SOAT1: variants seen among roughly 807,000 people sequenced by gnomAD.
The protein encoded by SOAT1 is acyl-coenzyme A:cholesterol acyltransferase 1.
A neutral mutation model predicts 69.5 loss-of-function variants in SOAT1; 55 were observed. The ratio of observed to expected loss-of-function variants is 0.79; its 90% CI spans 0.64 to 0.99. The LOEUF (loss-of-function observed/expected upper bound fraction) is 0.99. Ranked by LOEUF, SOAT1 falls within the 50% of genes least tolerant of loss-of-function variation. The pLI, the probability that SOAT1 is intolerant of heterozygous loss-of-function variation, is 0.00. For synonymous variants in SOAT1, 231 were observed against 224.7 expected, an observed-to-expected ratio of 1.03 and a Z score of -0.25; for missense variants, 580 against 669.3, an observed-to-expected ratio of 0.87 and a Z score of 1.47.
chr1:179,297,325 C>T (rs532272669), intron 1 of SOAT1, among the ~76,000 whole-genome samples: 19 of 152,200 alleles, frequency 1.2e-4, no homozygotes, highest in Admixed American at 9.8e-4. Flanking sequence ...TGTGAAATAT[C>T]CCATGTCCTG....
chr1:179,347,645 G>A lies in SOAT1; in HGVS notation c.1163G>A (p.Trp388Ter). The change falls in exon 12 of 16, where the codon TGG (tryptophan) becomes TAG (stop). Residue 388 changes from tryptophan to a stop codon, truncating the protein, a stop_gained. Transcript: ENST00000367619. LOFTEE classifies it high-confidence loss of function. ...ACTTTTTTTGCCTTTTTGCACTGCTGGCTCAATGCCTTTGCTGAGATGTTA... is the reference window on the plus strand; with the variant it reads ...ACTTTTTTTGCCTTTTTGCACTGCTAGCTCAATGCCTTTGCTGAGATGTTA... Reference protein sequence around the residue: ...FLTFFAFLHCWLNAFAEMLRF... With the variant: ...FLTFFAFLHC 6.2e-7 allele frequency: 1 copy of A among 1,613,518 alleles called. No individual in the cohort carries two copies. Among genetic ancestry groups the A allele is most frequent in the Non-Finnish European group, 8.5e-7 (1 of 1,179,642 alleles).
intron 15 of SOAT1, among the ~76,000 whole-genome samples, chr1:179,352,647 C>A (rs1666777504): frequency 7.9e-6 from 1 of 127,250 alleles, no homozygotes; most frequent in African/African-American, 2.8e-5. Flanking sequence ...ATAATTCATT[C>A]AATCCCTACA....
At chr1:179,313,217 A>T (rs1013107682) in intron 2 of SOAT1, among the ~76,000 whole-genome samples, 1 of 152,210 alleles carries the variant, frequency 6.6e-6, no homozygotes, top group African/African-American at 2.4e-5. Context: ...CTGTTATCAC[A>T]GTAGAGTTGA....
chr1:179,320,372 C>T (rs10913720), intron 2 of SOAT1, among the ~76,000 whole-genome samples: 41 of 151,724 alleles, frequency 2.7e-4, no homozygotes, highest in Admixed American at 2.6e-3. Context: ...TCTGGACTCT[C>T]AGTTCTTTTA....
At chr1:179,328,493 A>G (rs1258992742) in intron 3 of SOAT1, among the ~76,000 whole-genome samples, 1 of 152,206 alleles carries the variant, frequency 6.6e-6, no homozygotes, top group Non-Finnish European at 1.5e-5. Context: ...GATTTATTAT[A>G]AGACAGAGAA....
chr1:179,343,068 G>C (rs1666395399), intron 9 of SOAT1, 125 bp downstream of exon 9: 1 of 719,524 alleles, frequency 1.4e-6, no homozygotes, highest in African/African-American at 1.7e-5. Flanking sequence ...TTCATTTTCT[G>C]TCTGACCTGA....
intron 2 of SOAT1, among the ~76,000 whole-genome samples, chr1:179,316,134 A>G (rs1665384392): frequency 6.6e-6 from 1 of 152,112 alleles, no homozygotes; most frequent in Non-Finnish European, 1.5e-5. Context: ...TTCCAATATC[A>G]GCTCAGTATT....
intron 10 of SOAT1, 72 bp downstream of exon 10, chr1:179,343,707 C>T: frequency 9.4e-7 from 1 of 1,064,084 alleles, no homozygotes; most frequent in Non-Finnish European, 1.4e-6. Context: ...ATAATATAAT[C>T]TAGTTAAATC....
Position 179,342,953 on chromosome 1 carries a change from CT to C in SOAT1, c.941+11del. The stretch of plus-strand genomic sequence containing the variant: ...GTGACAGCTATCCCAGGTAATGGTA[CT>C]GTGAACCAGAAATGTGGTAAACACC... On this transcript the variant is annotated intron_variant, in intron 9 of 15. Transcript: ENST00000367619. 1 of 1,607,680 alleles carries C rather than the reference CT, an allele frequency of 6.2e-7. No individual in the cohort carries two copies. Among genetic ancestry groups the C allele is most frequent in the Non-Finnish European group, 8.5e-7 (1 of 1,174,318 alleles).
chr1:179,342,123 G>A lies in SOAT1; in HGVS notation c.790G>A (p.Val264Ile), dbSNP rs377111660. 1.4e-5 allele frequency: 22 copies of A among 1,613,582 alleles called. No homozygotes were observed. In the African/African-American group the frequency reaches 2.8e-4, roughly 21 times the overall value. Residue 264 changes from valine (V) to isoleucine (I), a missense_variant, in exon 8 of 16, where the codon GTA (valine) becomes ATA (isoleucine). Val to Ile is a conservative substitution (Grantham distance 29). Coordinates refer to ENST00000367619, the MANE Select transcript of SOAT1 (RefSeq NM_003101.6). Reference sequence around the variant, plus strand: ...CCTCCTGCTTTTGTAGATTCGTTTTGTAATGAAGGCCCACTCATTTGTCAG... The same window carrying A: ...CCTCCTGCTTTTGTAGATTCGTTTTATAATGAAGGCCCACTCATTTGTCAG... The part of the protein sequence containing the change: ...FIIIFEQIRF[V>I]MKAHSFVREN...
In SOAT1 at chr1:179,333,382, A is replaced by G. The variant is rs138531170; in HGVS notation, c.178-2124A>G. ...TTTTTCTTCATAGTATCTTTTAACTAGGATATTCCTCTTCTAAAAAAAAAA... is the reference window on the plus strand; with the variant it reads ...TTTTTCTTCATAGTATCTTTTAACTGGGATATTCCTCTTCTAAAAAAAAAA... On this transcript the variant is annotated intron_variant, in intron 3 of 15. Transcript: ENST00000367619. Among the ~76,000 whole-genome samples the G allele has an allele frequency of 1.1e-3, 152 of 132,408 alleles. 2 individuals are homozygous for G. The East Asian group carries it at 0.018, about 15-fold the overall frequency. The allele number at this position is 132,408 out of a possible 152,430, so 86.9% of individuals were successfully genotyped here. A position where few individuals can be genotyped will look rare whatever the true frequency, so the allele number is the denominator to read the frequency against.
chr1:179,309,557 G>A (rs973684659), intron 2 of SOAT1, among the ~76,000 whole-genome samples: 2 of 152,126 alleles, frequency 1.3e-5, no homozygotes, highest in African/African-American at 2.4e-5. Context: ...TTTGATGGGT[G>A]AAAAACAGTA....
chr1:179,327,131 T>C (rs1048700589), intron 3 of SOAT1, among the ~76,000 whole-genome samples: 3 of 152,242 alleles, frequency 2.0e-5, no homozygotes, highest in Non-Finnish European at 2.9e-5. Flanking sequence ...TGGTCACATT[T>C]TTTTAGTTGT....
chr1:179,342,106 T>G lies in SOAT1; in HGVS notation c.781-8T>G. The G allele has an allele frequency of 6.2e-7, 1 of 1,613,678 alleles. No individual in the cohort carries two copies. On this transcript the variant is annotated splice_region_variant and splice_polypyrimidine_tract_variant and intron_variant, in intron 7 of 15. Coordinates refer to ENST00000367619, the MANE Select transcript of SOAT1 (RefSeq NM_003101.6). ...TGAAGAGACATCTTTTTCCTCCTGCTTTTGTAGATTCGTTTTGTAATGAAG... is the reference window on the plus strand; with the variant it reads ...TGAAGAGACATCTTTTTCCTCCTGCGTTTGTAGATTCGTTTTGTAATGAAG...
intron 5 of SOAT1, 69 bp from the exon 6 acceptor site, chr1:179,339,369 A>G: frequency 9.3e-7 from 1 of 1,077,766 alleles, no homozygotes; most frequent in Non-Finnish European, 1.3e-6. Context: ...CTGCTTTAAG[A>G]AAAGATTTTA....
chr1:179,328,173 A>G (rs939785630), intron 3 of SOAT1, among the ~76,000 whole-genome samples: 8 of 152,158 alleles, frequency 5.3e-5, no homozygotes, highest in Non-Finnish European at 1.0e-4. Context: ...AGCTCAAGTA[A>G]TAATCCTCCT....
At chr1:179,346,985 T>G (rs1364507412) in intron 11 of SOAT1, among the ~76,000 whole-genome samples, 1 of 151,900 alleles carries the variant, frequency 6.6e-6, no homozygotes, top group Non-Finnish European at 1.5e-5. Context: ...AAACAATTGT[T>G]TAAGAGGGGG....
In SOAT1 at chr1:179,343,609, G is replaced by A. The variant is rs1666418579; in HGVS notation, c.961G>A (p.Gly321Ser). 8 of 1,611,686 alleles carry A rather than the reference G, an allele frequency of 5.0e-6. No homozygotes were observed. Among genetic ancestry groups the A allele is most frequent in the Non-Finnish European group, 6.8e-6 (8 of 1,178,704 alleles). The part of the protein sequence containing the change: ...SYPRNPTVRW[G>S]YVAMKFAQVF... ...TTTCAGGAATCCCACTGTAAGATGG[G>A]GTTATGTCGCTATGAAGTTTGCACA... Residue 321 changes from glycine (G) to serine (S), a missense_variant, in exon 10 of 16, where the codon GGT (glycine) becomes AGT (serine). Coordinates refer to ENST00000367619, the MANE Select transcript of SOAT1 (RefSeq NM_003101.6).
At chr1:179,337,717 A>T in intron 4 of SOAT1, 120 bp from the exon 5 acceptor site, 1 of 626,886 alleles carries the variant, frequency 1.6e-6, no homozygotes, top group East Asian at 2.9e-5. Context: ...CCTAGTAGTG[A>T]AAAGGTCATT....
Sources: allele counts gnomAD v4.1 joint callset (sites outside exome capture counted in the v4.1 genomes callset), GRCh38; gene constraint gnomAD v4.1.1; transcripts MANE v1.5; gene names NCBI Gene and HGNC (gene_info 2026-07-23, HGNC 2026-07-21).